USP40: variants seen among roughly 807,000 people sequenced by gnomAD.
The protein encoded by USP40 is ubiquitin carboxyl-terminal hydrolase 40.
In USP40, 143 loss-of-function variants were observed where a neutral mutation model predicts 166.2. The observed-to-expected ratio is 0.86, with a 90% confidence interval of 0.75 to 0.99. The LOEUF is 0.99. Among genes scored for constraint, USP40 ranks in the 50% least tolerant of loss-of-function variants. The pLI is 0.00. For synonymous variants in USP40, 498 were observed against 524.0 expected (o/e 0.95, Z 0.68); for missense variants, 1,444 against 1,479.7 (o/e 0.98, Z 0.40).
intron 30 of USP40, among the ~76,000 whole-genome samples, chr2:233,481,956 T>C (rs3796090): frequency 0.18 from 28,120 of 152,122 alleles, 3,553 homozygotes; most frequent in African/African-American, 0.36. Flanking sequence ...CAGCGCAGGG[T>C]CTGCGGGGTT....
At chr2:233,526,849 C>T (rs909585384) in intron 13 of USP40, among the ~76,000 whole-genome samples, 4 of 152,114 alleles carry the variant, frequency 2.6e-5, no homozygotes, top group Admixed American at 2.0e-4. Flanking sequence ...AGAACCAAAT[C>T]ACATGATTTA....
At chr2:233,485,746 G>A in intron 29 of USP40, 21 bp downstream of exon 29, 1 of 1,611,636 alleles carries the variant, frequency 6.2e-7, no homozygotes, top group East Asian at 2.2e-5. Flanking sequence ...CAATTTCTCT[G>A]AGACAGCCCC....
chr2:233,562,710 TATA>T (rs756008896), intron 3 of USP40, 23 bp downstream of exon 3: 2,720 of 1,413,500 alleles, frequency 1.9e-3, no homozygotes, highest in East Asian at 3.7e-3. Context: ...AAACTTAAAG[TATA>T]ATAATAATAA....
chr2:233,553,836 CCTGA>C (rs10581479), intron 6 of USP40, among the ~76,000 whole-genome samples: 87,627 of 151,654 alleles, frequency 0.58, 27,672 homozygotes, highest in East Asian at 0.82. Flanking sequence ...TTGCTTCAGT[CCTGA>C]CTTTCTTTTG....
chr2:233,508,011 G>C (rs1220595465), intron 21 of USP40, among the ~76,000 whole-genome samples: 1 of 151,900 alleles, frequency 6.6e-6, no homozygotes, highest in Non-Finnish European at 1.5e-5. Context: ...TTTGGATTTT[G>C]GATTTTGGGA....
chr2:233,556,971 C>G lies in USP40; in HGVS notation c.430G>C (p.Ala144Pro), dbSNP rs770196656. ...GTCCCAACTAAAGAAGTTTCCAAAG[C>G]GCTGAAGAGGATTCGATTCAGTTCC... ...VQELNRILFS[A>P]LETSLVGTSG... is the part of the protein sequence containing the mutation. The change falls in exon 5 of 32, where the codon GCT becomes CCT. Residue 144 changes from alanine to proline, a missense_variant. Transcript: ENST00000678225. The G allele has an allele frequency of 1.2e-6, 2 of 1,613,720 alleles. No individual in the cohort carries two copies. Among genetic ancestry groups the G allele is most frequent in the South Asian group, 2.2e-5 (2 of 91,082 alleles).
At position 233,523,347 on chromosome 2, in the gene USP40, C is replaced by T. The variant is rs202051483; in HGVS notation, c.2024G>A (p.Gly675Asp). 2.5e-4 allele frequency: 396 copies of T among 1,613,862 alleles called. 1 individual carries two copies. The highest frequency in any genetic ancestry group is 3.0e-4 in the Non-Finnish European group (354 of 1,179,900). The change falls in exon 16 of 32, where the codon GGC becomes GAC. Residue 675 changes from glycine to aspartate, a missense_variant. By Grantham distance (94) the Gly-to-Asp change is moderately conservative. Transcript: ENST00000678225. ...PHVFPANAEV[G>D]TVLTALAIPA... ...GATTGCTAAGGCTGTGAGGACAGTGCCCACTTCTGCATTAGCTGGAAAGAC... is the reference window on the plus strand; with the variant it reads ...GATTGCTAAGGCTGTGAGGACAGTGTCCACTTCTGCATTAGCTGGAAAGAC...
intron 30 of USP40, among the ~76,000 whole-genome samples, chr2:233,484,488 C>CT (rs1175538206): frequency 9.4e-5 from 11 of 117,476 alleles, no homozygotes; most frequent in South Asian, 2.9e-4. Context: ...TTTTTTTTTT[C>CT]TTTTTTTTTG....
intron 18 of USP40, among the ~76,000 whole-genome samples, chr2:233,513,596 A>G (rs999939398): frequency 6.6e-5 from 10 of 152,196 alleles, no homozygotes; most frequent in African/African-American, 2.2e-4. Context: ...AATTTTAACC[A>G]TCTTGCTGGG....
At chr2:233,558,407 C>T (rs1047978803) in intron 4 of USP40, among the ~76,000 whole-genome samples, 9 of 151,644 alleles carry the variant, frequency 5.9e-5, no homozygotes, top group Non-Finnish European at 5.9e-5. Context: ...GCATATCCAT[C>T]TAATAGAATC....
intron 24 of USP40, among the ~76,000 whole-genome samples, chr2:233,495,664 C>T (rs1290537318): frequency 1.3e-5 from 2 of 152,098 alleles, no homozygotes; most frequent in Non-Finnish European, 2.9e-5. Flanking sequence ...TATTAAAAAG[C>T]AAAGGCCTTT....
At chr2:233,483,547 A>G (rs770298102) in intron 30 of USP40, among the ~76,000 whole-genome samples, 4 of 152,206 alleles carry the variant, frequency 2.6e-5, no homozygotes, top group Non-Finnish European at 2.9e-5. Flanking sequence ...TATGTCTTCT[A>G]AAGATTGAAA....
chr2:233,561,006 A>T, intron 3 of USP40: 1 of 900,518 alleles, frequency 1.1e-6, no homozygotes, highest in Non-Finnish European at 1.8e-6. Context: ...AAATTCCATT[A>T]CCCATAGGGT....
At chr2:233,511,159 C>A (rs947704262) in intron 20 of USP40, among the ~76,000 whole-genome samples, 3 of 152,152 alleles carry the variant, frequency 2.0e-5, no homozygotes, top group South Asian at 2.1e-4. Flanking sequence ...CTGGGTATGG[C>A]TTCTGGCAAA....
intron 28 of USP40, chr2:233,487,783 T>C: frequency 2.9e-6 from 1 of 344,464 alleles, no homozygotes; most frequent in East Asian, 7.6e-5. Context: ...TAGCAATGAA[T>C]AAACCAAGTA....
intron 25 of USP40, chr2:233,492,621 CTCTA>C (rs1474320275): frequency 6.6e-6 from 1 of 152,144 alleles, no homozygotes; most frequent in East Asian, 1.9e-4. Flanking sequence ...ACATTACTCT[CTCTA>C]TATAATCCTA....
At chr2:233,551,773 A>G (rs888501422) in intron 6 of USP40, among the ~76,000 whole-genome samples, 25 of 152,200 alleles carry the variant, frequency 1.6e-4, no homozygotes, top group African/African-American at 5.3e-4. Context: ...ATCCTGAAAT[A>G]CTATTTGATG....
chr2:233,483,639 G>A (rs1369280465), intron 30 of USP40, among the ~76,000 whole-genome samples: 1 of 152,074 alleles, frequency 6.6e-6, no homozygotes, highest in Non-Finnish European at 1.5e-5. Context: ...GGTTTTATGG[G>A]GCCTGACGCT....
At chr2:233,519,316 A>T in intron 18 of USP40, 1 of 237,170 alleles carries the variant, frequency 4.2e-6, no homozygotes, top group African/African-American at 2.3e-5. Flanking sequence ...CAGAATATAC[A>T]TTCAGTATAG....
Sources: gnomAD v4.1 joint callset for allele counts (sites outside exome capture counted in the v4.1 genomes callset) on GRCh38, gnomAD v4.1.1 for gene constraint, MANE v1.5 for transcripts, NCBI Gene and HGNC (gene_info 2026-07-23, HGNC 2026-07-21) for gene names.